The following NOD1 variants were observed in gnomAD, a reference collection of about 807,000 sequenced individuals.
NOD1 encodes nucleotide-binding oligomerization domain-containing protein 1.
Under a neutral mutation model 81.2 loss-of-function variants are expected in NOD1, and 70 were observed. The ratio of observed to expected loss-of-function variants is 0.86; its 90% CI spans 0.71 to 1.05. The LOEUF is 1.05. Among genes scored for constraint, NOD1 ranks in the 50% least tolerant of loss-of-function variants. The probability of loss-of-function intolerance (pLI) is 0.00; values close to 1 mark genes in which losing one functional copy is unlikely to be tolerated. For synonymous variants in NOD1, 508 were observed against 526.9 expected (o/e 0.96, Z 0.49); for missense variants, 1,233 against 1,228.0 (o/e 1.00, Z -0.06).
chr7:30,455,537 C>T (rs754225279), intron 4 of NOD1, among the ~76,000 whole-genome samples: 1 of 151,698 alleles, frequency 6.6e-6, no homozygotes, highest in Non-Finnish European at 1.5e-5. Context: ...CAGGAGGCTT[C>T]CATGAGCCTA....
At chr7:30,437,532 G>A in intron 10 of NOD1, 41 bp downstream of exon 10, 4 of 1,335,596 alleles carry the variant, frequency 3.0e-6, no homozygotes, top group Non-Finnish European at 4.0e-6. Flanking sequence ...GCAGCTGGGA[G>A]GGACCAGGTT....
intron 1 of NOD1, among the ~76,000 whole-genome samples, chr7:30,472,794 T>G (rs570203817): frequency 6.6e-6 from 1 of 152,352 alleles, no homozygotes; most frequent in South Asian, 2.1e-4. Flanking sequence ...CCTGCAGAAC[T>G]GTGAGAGATA....
At chr7:30,457,516 G>A (rs1224778178) in intron 3 of NOD1, among the ~76,000 whole-genome samples, 1 of 152,020 alleles carries the variant, frequency 6.6e-6, no homozygotes, top group African/African-American at 2.4e-5. Context: ...TGCACTTGAG[G>A]GTTACATCTC....
chr7:30,464,929 C>A (rs1395854319), intron 1 of NOD1, among the ~76,000 whole-genome samples: 1 of 152,226 alleles, frequency 6.6e-6, no homozygotes, highest in Non-Finnish European at 1.5e-5. Flanking sequence ...CTTGCAACAA[C>A]CCTAGGTGCC....
intron 3 of NOD1, among the ~76,000 whole-genome samples, chr7:30,458,015 C>T (rs150478678): frequency 6.6e-6 from 1 of 152,068 alleles, no homozygotes; most frequent in African/African-American, 2.4e-5. Flanking sequence ...GGAGAGCCGG[C>T]ACAGAGTTCC....
chr7:30,456,340 T>C (rs1011387697), intron 4 of NOD1, among the ~76,000 whole-genome samples: 3 of 152,186 alleles, frequency 2.0e-5, no homozygotes, highest in Non-Finnish European at 1.5e-5. Context: ...CCTGAGTCGG[T>C]TCCCCTCCGA....
At chr7:30,450,177 G>A (rs1289226267) in intron 6 of NOD1, among the ~76,000 whole-genome samples, 1 of 152,032 alleles carries the variant, frequency 6.6e-6, no homozygotes, top group Non-Finnish European at 1.5e-5. Context: ...CTGGGCAACA[G>A]AGCGGGACTC....
rs1346400730 is a variant in NOD1 at position 30,425,231 on chromosome 7, TC to T, written c.*406del. On this transcript the variant is annotated 3_prime_UTR_variant, in exon 14 of 14. Coordinates refer to ENST00000222823, the MANE Select transcript of NOD1 (RefSeq NM_006092.4). ...AGCTTGGCACCAACTTTGTGCCACA[TC>T]CTCAACTCTTCAATGAAAAGAGCGG... 1 of 203,508 alleles carries T rather than the reference TC, an allele frequency of 4.9e-6. No individual in the cohort carries two copies. Among genetic ancestry groups the T allele is most frequent in the African/African-American group, 2.3e-5 (1 of 42,926 alleles). The allele number at this position is 203,508 out of a possible 1,614,324, so 12.6% of individuals were successfully genotyped here.
chr7:30,468,271 C>T (rs1442362419), intron 1 of NOD1, among the ~76,000 whole-genome samples: 3 of 152,166 alleles, frequency 2.0e-5, no homozygotes, highest in Non-Finnish European at 4.4e-5. Context: ...CCTCTGAACA[C>T]TTCAAAACAT....
At chr7:30,428,664 G>GT (rs1339493579) in intron 13 of NOD1, 2 of 151,814 alleles carry the variant, frequency 1.3e-5, no homozygotes, top group Non-Finnish European at 2.9e-5. Flanking sequence ...CCAAGGAGCT[G>GT]TTTTTTGTTT....
In NOD1 at chr7:30,478,234, G is replaced by C. The variant is rs908277148; in HGVS notation, c.-352+372C>G. ...CTGGCTGCACACTGGAATCACTTGG[G>C]GAGCTTTTAAAAGATACGGAGGCCT... On this transcript the variant is annotated intron_variant, in intron 1 of 13. Transcript: ENST00000222823. This position sits in a 1 kb window ranked among gnomAD's most constrained non-coding sequence, Gnocchi z 4.1. 9.9e-5 allele frequency among the ~76,000 whole-genome samples: 15 copies of C among 151,966 alleles called. No homozygotes were observed. Among genetic ancestry groups the C allele is most frequent in the Non-Finnish European group, 1.3e-4 (9 of 68,010 alleles).
In NOD1 at chr7:30,457,136, G is replaced by A. The variant is rs55981427; in HGVS notation, c.-121-94C>T. ...TTGTGGGGTTTCTCTACCTAGAGCA[G>A]GAAGGAACCATGCTTAAGACCTTTA... is the stretch of plus-strand genomic sequence containing the variant. On this transcript the variant is annotated intron_variant, in intron 3 of 13. Coordinates refer to ENST00000222823, the MANE Select transcript of NOD1 (RefSeq NM_006092.4). The A allele has an allele frequency of 1.7e-4, 95 of 567,596 alleles. 1 individual carries two copies. The East Asian group carries it at 1.9e-3, about 12-fold the overall frequency. The allele number at this position is 567,596 out of a possible 1,614,324, so 35.2% of individuals were successfully genotyped here.
At position 30,456,856 on chromosome 7, in the gene NOD1, T is replaced by C; in HGVS notation, c.66A>G (p.Leu22=). The C allele has an allele frequency of 6.2e-7, 1 of 1,614,158 alleles. No homozygotes were observed. The part of the protein sequence containing the change: ...IPSESHPHIQ[L]LKSNRELLVT... The stretch of plus-strand genomic sequence containing the variant: ...CCAGAAGTTCCCGATTGCTTTTCAG[T>C]AATTGAATGTGGGGGTGAGACTCTG... Residue 22 remains leucine (L), a synonymous_variant, in exon 4 of 14, where the codon TTA becomes TTG. Transcript: ENST00000222823.
At chr7:30,470,847 C>T (rs572665238) in intron 1 of NOD1, among the ~76,000 whole-genome samples, 5 of 152,260 alleles carry the variant, frequency 3.3e-5, no homozygotes, top group East Asian at 1.9e-4. Flanking sequence ...AAGTGGAAAC[C>T]GGTTTCCTGG....
intron 9 of NOD1, among the ~76,000 whole-genome samples, chr7:30,438,828 T>C (rs1036897003): frequency 3.0e-4 from 45 of 152,306 alleles, no homozygotes; most frequent in African/African-American, 1.1e-3. Flanking sequence ...ACTATATTTT[T>C]TAAAAGTTGT....
chr7:30,463,771 T>C (rs529318042), intron 1 of NOD1: 30 of 152,676 alleles, frequency 2.0e-4, no homozygotes, highest in African/African-American at 7.0e-4. Flanking sequence ...TAATAACTTT[T>C]TCTGTAAGTA....
At chr7:30,446,094 A>AC (rs753811307) in intron 9 of NOD1, 47 bp downstream of exon 9, 9 of 1,353,756 alleles carry the variant, frequency 6.6e-6, no homozygotes, top group Non-Finnish European at 9.5e-6. Flanking sequence ...CCCGCCCCCC[A>AC]CACACACAGC....
chr7:30,438,266 C>T (rs1388532151), intron 9 of NOD1, among the ~76,000 whole-genome samples: 3 of 152,200 alleles, frequency 2.0e-5, no homozygotes, highest in South Asian at 4.1e-4. Context: ...ACAGCAGATC[C>T]GGAGAGTCTC....
chr7:30,446,585 C>T, intron 8 of NOD1: 1 of 391,992 alleles, frequency 2.6e-6, no homozygotes, highest in African/African-American at 2.0e-5. Flanking sequence ...AGGGCAGGAC[C>T]AGAGGCTCCA....
Sources: allele counts gnomAD v4.1 joint callset (sites outside exome capture counted in the v4.1 genomes callset), GRCh38; gene constraint gnomAD v4.1.1; non-coding constraint Gnocchi (gnomAD v3.1); transcripts MANE v1.5; gene names NCBI Gene and HGNC (gene_info 2026-07-23, HGNC 2026-07-21).